RPH3A: variants seen among roughly 807,000 people sequenced by gnomAD.
The protein encoded by RPH3A is rabphilin 3A.
Under a neutral mutation model 102.2 loss-of-function variants are expected in RPH3A, and 48 were observed. That is an observed-to-expected ratio of 0.47 (90% CI 0.37 to 0.60). The LOEUF is 0.60. Ranked by LOEUF, RPH3A falls within the 20% of genes least tolerant of loss-of-function variation. The pLI is 0.00. For synonymous variants in RPH3A, 310 were observed against 324.3 expected (o/e 0.96, Z 0.47); for missense variants, 781 against 910.1 (o/e 0.86, Z 1.83).
chr12:112,650,110 C>T (rs2039963505), intron 1 of RPH3A, among the ~76,000 whole-genome samples: 1 of 152,222 alleles, frequency 6.6e-6, no homozygotes, highest in African/African-American at 2.4e-5. Flanking sequence ...AGATCCACAT[C>T]CCCTCAGTTC....
intron 1 of RPH3A, among the ~76,000 whole-genome samples, chr12:112,641,475 C>A (rs2039889944): frequency 6.6e-6 from 1 of 152,224 alleles, no homozygotes; most frequent in Non-Finnish European, 1.5e-5. Context: ...TGGCTCACTG[C>A]AACCTCCGCC....
intron 21 of RPH3A, 43 bp downstream of exon 21, chr12:112,895,916 C>A (rs750771629): frequency 7.4e-7 from 1 of 1,349,472 alleles, no homozygotes; most frequent in Non-Finnish European, 1.1e-6. Flanking sequence ...CTTCTGTCCT[C>A]CCCAGAACAG....
intron 1 of RPH3A, among the ~76,000 whole-genome samples, chr12:112,713,040 CTT>C (rs2040486935): frequency 3.6e-5 from 3 of 83,616 alleles, no homozygotes; most frequent in African/African-American, 1.8e-4. Flanking sequence ...TCTTCTTCTT[CTT>C]CTTCTTCTCC....
intron 1 of RPH3A, among the ~76,000 whole-genome samples, chr12:112,764,835 C>T (rs1565873679): frequency 6.6e-6 from 1 of 152,118 alleles, no homozygotes; most frequent in Non-Finnish European, 1.5e-5. Context: ...CTCTGGGTGA[C>T]CTCACCATCC....
intron 1 of RPH3A, among the ~76,000 whole-genome samples, chr12:112,721,738 G>A (rs984343408): frequency 1.2e-4 from 18 of 150,904 alleles, no homozygotes; most frequent in African/African-American, 4.4e-4. Context: ...GGAACCTACT[G>A]TAGCAATGGT....
At chr12:112,668,788 A>G (rs2040105263) in intron 1 of RPH3A, among the ~76,000 whole-genome samples, 1 of 152,104 alleles carries the variant, frequency 6.6e-6, no homozygotes, top group Non-Finnish European at 1.5e-5. Context: ...ACAAACCTAC[A>G]TGTTCAGCAT....
chr12:112,639,091 T>G (rs2039867477), intron 1 of RPH3A, among the ~76,000 whole-genome samples: 1 of 152,300 alleles, frequency 6.6e-6, no homozygotes, highest in Admixed American at 6.5e-5. Flanking sequence ...CCTCTGAGCC[T>G]CTGTCTTCTT....
chr12:112,691,762 G>A (rs1387509325), intron 1 of RPH3A, among the ~76,000 whole-genome samples: 1 of 152,162 alleles, frequency 6.6e-6, no homozygotes, highest in African/African-American at 2.4e-5. Context: ...GTAGTGATAG[G>A]ATAGATTTCA....
At chr12:112,732,435 A>G (rs1358521659) in intron 1 of RPH3A, among the ~76,000 whole-genome samples, 1 of 152,140 alleles carries the variant, frequency 6.6e-6, no homozygotes, top group Non-Finnish European at 1.5e-5. Flanking sequence ...AATAATTCCT[A>G]CTTTCTGGGG....
rs1377328617 is a variant in RPH3A, at chr12:112,714,706, G to A, written c.-139-77437G>A. Reference sequence around the variant, plus strand: ...GCAGACTCATAGGTTTTGTCTCATAGGGCACTTGGATTGATTGGAATCGAT... The same window carrying A: ...GCAGACTCATAGGTTTTGTCTCATAAGGCACTTGGATTGATTGGAATCGAT... On this transcript the variant is annotated intron_variant, in intron 1 of 21. Coordinates refer to the RPH3A transcript ENST00000543106. Among the ~76,000 whole-genome samples, 3 of 152,128 alleles carry A rather than the reference G, an allele frequency of 2.0e-5. No individual in the cohort carries two copies. The South Asian group carries it at 6.2e-4, about 32-fold the overall frequency.
intron 2 of RPH3A, among the ~76,000 whole-genome samples, chr12:112,807,669 T>G (rs2041495586): frequency 6.6e-6 from 1 of 152,212 alleles, no homozygotes; most frequent in African/African-American, 2.4e-5. Context: ...TTGTAGGTGC[T>G]CAGTAAACAT....
chr12:112,788,950 G>A (rs938412806), upstream of RPH3A, among the ~76,000 whole-genome samples: 3 of 152,156 alleles, frequency 2.0e-5, no homozygotes, highest in African/African-American at 7.2e-5. Context: ...CTTGAGGTCA[G>A]GAGTTCGAGA....
At chr12:112,682,381 G>A (rs1334666491) in intron 1 of RPH3A, among the ~76,000 whole-genome samples, 2 of 145,410 alleles carry the variant, frequency 1.4e-5, no homozygotes, top group Admixed American at 7.0e-5. Flanking sequence ...TCTGTTCTTG[G>A]ATGATGCCTA....
chr12:112,889,985 A>G (rs760993131), intron 17 of RPH3A, 39 bp from the exon 18 acceptor site: 5 of 1,596,556 alleles, frequency 3.1e-6, no homozygotes, highest in Non-Finnish European at 4.3e-6. Context: ...GATGAGCTCC[A>G]TAGACAATGT....
intron 1 of RPH3A, among the ~76,000 whole-genome samples, chr12:112,748,164 G>A (rs1433911680): frequency 1.3e-5 from 2 of 152,206 alleles, no homozygotes; most frequent in African/African-American, 4.8e-5. Flanking sequence ...TGGGCTGTAA[G>A]TCCTATGAGG....
At chr12:112,874,124 C>T (rs2042754187) in intron 10 of RPH3A, 1 of 152,218 alleles carries the variant, frequency 6.6e-6, no homozygotes, top group African/African-American at 2.4e-5. Flanking sequence ...GCCAAAAGTG[C>T]TGGATTCAGG....
intron 1 of RPH3A, among the ~76,000 whole-genome samples, chr12:112,756,335 C>T (rs1357783704): frequency 6.6e-6 from 1 of 152,076 alleles, no homozygotes; most frequent in Non-Finnish European, 1.5e-5. Flanking sequence ...GCCTCAGCCT[C>T]CAAAGTAGCT....
At chr12:112,805,303 T>C (rs112113707) in intron 2 of RPH3A, among the ~76,000 whole-genome samples, 6,633 of 151,360 alleles carry the variant, frequency 0.044, 470 homozygotes, top group African/African-American at 0.15. Flanking sequence ...ATTTAGTGTG[T>C]GTACGAATCT....
At position 112,658,436 on chromosome 12, in the gene RPH3A, C is replaced by T. The variant is rs941146422; in HGVS notation, c.-140+83117C>T. 1.5e-4 allele frequency among the ~76,000 whole-genome samples: 23 copies of T among 152,122 alleles called. No homozygotes were observed. In the East Asian group the frequency reaches 3.5e-3, roughly 23 times the overall value. ...AAGTGATCTGCCCACCTCGGCCTCC[C>T]GAAGTGTTGGGATTGCAGGTGTGAG... is the stretch of plus-strand genomic sequence containing the variant. On this transcript the variant is annotated intron_variant, in intron 1 of 21. Coordinates refer to the RPH3A transcript ENST00000543106.
Sources: allele counts gnomAD v4.1 joint callset (sites outside exome capture counted in the v4.1 genomes callset), GRCh38; gene constraint gnomAD v4.1.1; transcripts MANE v1.5; gene names NCBI Gene and HGNC (gene_info 2026-07-23, HGNC 2026-07-21).